Variants in MON2 observed in about 807,000 individuals in gnomAD.
MON2 encodes the protein MON2 regulator of endosome-to-Golgi trafficking, also known as protein MON2 homolog.
In MON2, 84 loss-of-function variants were observed where a neutral mutation model predicts 208.6. The ratio of observed to expected loss-of-function variants is 0.40; its 90% CI spans 0.34 to 0.48. The LOEUF (loss-of-function observed/expected upper bound fraction) is 0.48. Among genes scored for constraint, MON2 ranks in the 20% least tolerant of loss-of-function variants. The probability of loss-of-function intolerance (pLI) is 0.59; values close to 1 mark genes in which losing one functional copy is unlikely to be tolerated. For missense variants in MON2, 1,611 were observed against 2,015.4 expected (o/e 0.80, Z 3.84); for synonymous variants, 660 against 694.0 (o/e 0.95, Z 0.77).
In MON2 at chr12:62,512,968, A is replaced by G. The variant is rs578261156; in HGVS notation, c.984+4488A>G. ...CCTCTGAAGCTACGGCCCGAGCTCT[A>G]TGTTGACCCCTTTCAGTCGGCTGGA... On this transcript the variant is annotated intron_variant, in intron 8 of 34. Transcript: ENST00000393630. Among the ~76,000 whole-genome samples the G allele has an allele frequency of 1.1e-4, 17 of 152,284 alleles. No homozygotes were observed. In the South Asian group the frequency reaches 3.1e-3, roughly 28 times the overall value.
chr12:62,486,063 G>A (rs1410875283), intron 2 of MON2, among the ~76,000 whole-genome samples: 2 of 152,108 alleles, frequency 1.3e-5, no homozygotes, highest in East Asian at 3.8e-4. Context: ...GGAAATTGGT[G>A]TTTAAAGAAA....
intron 24 of MON2, among the ~76,000 whole-genome samples, chr12:62,554,597 C>T (rs117302674): frequency 3.4e-3 from 520 of 152,256 alleles, no homozygotes; most frequent in Non-Finnish European, 5.6e-3. Context: ...CAGGCTCAAG[C>T]GATCCTCCCA....
intron 1 of MON2, among the ~76,000 whole-genome samples, chr12:62,467,608 T>C (rs2068580913): frequency 6.6e-6 from 1 of 152,230 alleles, no homozygotes; most frequent in Non-Finnish European, 1.5e-5. Flanking sequence ...TCTGGCCTTT[T>C]TCTTACTTGA....
At chr12:62,530,703 G>C (rs2072593719) in intron 11 of MON2, among the ~76,000 whole-genome samples, 1 of 152,086 alleles carries the variant, frequency 6.6e-6, no homozygotes, top group Non-Finnish European at 1.5e-5. Context: ...GCATTTGTCT[G>C]TAAGTTTTTG....
intron 29 of MON2, among the ~76,000 whole-genome samples, chr12:62,567,084 T>G (rs969296687): frequency 2.0e-5 from 3 of 152,166 alleles, no homozygotes; most frequent in South Asian, 2.1e-4. Context: ...TAAAAGATTC[T>G]TGTTGATTGT....
At chr12:62,483,872 C>T (rs564923689) in intron 1 of MON2, among the ~76,000 whole-genome samples, 8 of 152,220 alleles carry the variant, frequency 5.3e-5, no homozygotes, top group South Asian at 4.1e-4. Flanking sequence ...TTTTTATTCT[C>T]GGAAAATTTA....
At chr12:62,557,953 TA>T (rs2074047671) in intron 25 of MON2, among the ~76,000 whole-genome samples, 60 of 28,352 alleles carry the variant, frequency 2.1e-3, no homozygotes, top group African/African-American at 0.011. Flanking sequence ...TATATATATA[TA>T]TATATATATT....
intron 1 of MON2, among the ~76,000 whole-genome samples, chr12:62,478,407 G>A (rs1022373469): frequency 1.3e-5 from 2 of 152,150 alleles, no homozygotes; most frequent in Non-Finnish European, 2.9e-5. Context: ...TACCGTAGAA[G>A]AAAGTGATGG....
At chr12:62,525,378 A>G (rs1467767062) in intron 10 of MON2, among the ~76,000 whole-genome samples, 158 bp downstream of exon 10, 5 of 152,222 alleles carry the variant, frequency 3.3e-5, no homozygotes, top group African/African-American at 7.2e-5. Flanking sequence ...TCTGATCTCA[A>G]TGAAGCAGTT....
Position 62,494,699 on chromosome 12 carries a change from G to A in MON2, c.304-317G>A, listed in dbSNP as rs557209710. Among the ~76,000 whole-genome samples, 12 of 152,184 alleles carry A rather than the reference G, an allele frequency of 7.9e-5. No homozygotes were observed. In the East Asian group the frequency reaches 9.6e-4, roughly 12 times the overall value. Reference sequence around the variant, plus strand: ...GCTCATAGCTAATTTGCATATGTCCGTATTATTCATGTCCAAATACAATCT... The same window carrying A: ...GCTCATAGCTAATTTGCATATGTCCATATTATTCATGTCCAAATACAATCT... On this transcript the variant is annotated intron_variant, in intron 3 of 34. Transcript: ENST00000393630.
chr12:62,471,781 G>A (rs2068803612), intron 1 of MON2, among the ~76,000 whole-genome samples: 1 of 152,128 alleles, frequency 6.6e-6, no homozygotes, highest in Admixed American at 6.5e-5. Flanking sequence ...GTTAGAGGAA[G>A]GTCCTTGAGA....
rs2075530542 is a variant in MON2, at chr12:62,596,558, CA to C, written c.*3810del. The C allele has an allele frequency of 6.6e-6, 1 of 152,198 alleles. No individual in the cohort carries two copies. Among genetic ancestry groups the C allele is most frequent in the Non-Finnish European group, 1.5e-5 (1 of 68,034 alleles). 9.4% of individuals were successfully genotyped at this position (152,198 alleles called of 1,614,324 possible). A position where few individuals can be genotyped will look rare whatever the true frequency, so the allele number is the denominator to read the frequency against. ...GCAGATAAGCTAATCTTGTATAAAG[CA>C]TCACATTTTACTATGCTTAGTGTTC... On this transcript the variant is annotated 3_prime_UTR_variant, in exon 35 of 35. Transcript: ENST00000393630.
chr12:62,555,409 C>G (rs1277255855), intron 24 of MON2, among the ~76,000 whole-genome samples: 1 of 151,860 alleles, frequency 6.6e-6, no homozygotes, highest in African/African-American at 2.4e-5. Context: ...GTCTTGAACT[C>G]CTGGGCTCAA....
intron 2 of MON2, among the ~76,000 whole-genome samples, chr12:62,493,394 T>C (rs933554188): frequency 2.0e-5 from 3 of 152,204 alleles, no homozygotes; most frequent in Non-Finnish European, 2.9e-5. Context: ...GGAGTAATGT[T>C]ATTGTTTTTA....
At position 62,560,310 on chromosome 12, in the gene MON2, A is replaced by G. The variant is rs1362043915; in HGVS notation, c.3410-181A>G. ...CTATATCTGAAAAATTTTTTTACTG[A>G]ATTTCTAGGTTGTGATAATTTTAAT... On this transcript the variant is annotated intron_variant, in intron 25 of 34. Coordinates refer to ENST00000393630, the MANE Select transcript of MON2 (RefSeq NM_015026.3). The G allele has an allele frequency of 5.2e-6, 3 of 574,000 alleles. No homozygotes were observed. In the East Asian group the frequency reaches 9.4e-5, roughly 18 times the overall value. 35.6% of individuals were successfully genotyped at this position (574,000 alleles called of 1,614,324 possible). A position where few individuals can be genotyped will look rare whatever the true frequency, so the allele number is the denominator to read the frequency against.
At chr12:62,480,153 T>C (rs952928542) in intron 1 of MON2, among the ~76,000 whole-genome samples, 5 of 152,208 alleles carry the variant, frequency 3.3e-5, no homozygotes, top group African/African-American at 1.2e-4. Flanking sequence ...TGAGGAGCTA[T>C]GTGATAGGTC....
intron 1 of MON2, chr12:62,470,697 G>A: frequency 8.8e-7 from 1 of 1,139,966 alleles, no homozygotes; most frequent in South Asian, 1.9e-5. Flanking sequence ...TTTCCTATTT[G>A]CAGGTACAGA....
At chr12:62,583,512 C>T (rs2075079768) in intron 32 of MON2, among the ~76,000 whole-genome samples, 1 of 151,994 alleles carries the variant, frequency 6.6e-6, no homozygotes, top group Non-Finnish European at 1.5e-5. Context: ...AAGAACAAAA[C>T]TTCCAGATTA....
intron 8 of MON2, among the ~76,000 whole-genome samples, chr12:62,511,333 T>G (rs886359508): frequency 6.6e-6 from 1 of 152,094 alleles, no homozygotes; most frequent in African/African-American, 2.4e-5. Context: ...AAGTTGGAAG[T>G]CTCACACTCC....
Sources: gnomAD v4.1 joint callset for allele counts (sites outside exome capture counted in the v4.1 genomes callset) on GRCh38, gnomAD v4.1.1 for gene constraint, MANE v1.5 for transcripts, NCBI Gene and HGNC (gene_info 2026-07-23, HGNC 2026-07-21) for gene names.